The following TG variants were observed in gnomAD, a reference collection of about 807,000 sequenced individuals.
TG encodes the protein thyroglobulin, also known as thyroid hormones.
A neutral mutation model predicts 324.7 loss-of-function variants in TG; 270 were observed. The ratio of observed to expected loss-of-function variants is 0.83; its 90% CI spans 0.75 to 0.92. The LOEUF (loss-of-function observed/expected upper bound fraction) is 0.92. TG is among the 40% of genes least tolerant of loss of function. The pLI is 0.00. For missense variants in TG, 3,591 were observed against 3,456.4 expected, an observed-to-expected ratio of 1.04 and a Z score of -0.98; for synonymous variants, 1,401 against 1,327.0, an observed-to-expected ratio of 1.06 and a Z score of -1.21.
chr8:132,998,160 G>A (rs2130810587), intron 35 of TG, among the ~76,000 whole-genome samples: 1 of 152,266 alleles, frequency 6.6e-6, no homozygotes, highest in South Asian at 2.1e-4. Context: ...TCTGTATTAG[G>A]AGAAATCAAG....
At chr8:132,986,426 G>GTGTA (rs1564041675) in intron 35 of TG, among the ~76,000 whole-genome samples, 1 of 150,058 alleles carries the variant, frequency 6.7e-6, no homozygotes, top group African/African-American at 2.5e-5. Flanking sequence ...ATATATGTAT[G>GTGTA]TATCTCCAAA....
rs146474584 is a variant in TG at position 132,888,052 on chromosome 8, T to A, written c.2245T>A (p.Ser749Thr). Residue 749 changes from serine to threonine, a missense_variant, in exon 10 of 48, where the codon TCC becomes ACC. By Grantham distance (58) the Ser-to-Thr change is moderately conservative. Transcript: ENST00000220616. ...GACGGTGCAGGCCCTGCTCTCTAAC[T>A]CCAGCATGCTACCCACCCTTTCCGA... ...LRTVQALLSN[S>T]SMLPTLSDTY... 4.7e-5 allele frequency: 76 copies of A among 1,613,928 alleles called. 1 individual carries two copies. The African/African-American group carries it at 7.6e-4, about 16-fold the overall frequency.
intron 41 of TG, chr8:133,050,810 A>T (rs1840260269): frequency 6.4e-7 from 1 of 1,573,902 alleles, no homozygotes; most frequent in African/African-American, 1.3e-5. Flanking sequence ...TGGAGAGCTG[A>T]CTCACTCAGA....
chr8:132,941,076 C>T (rs1824375093), intron 25 of TG, among the ~76,000 whole-genome samples: 1 of 152,180 alleles, frequency 6.6e-6, no homozygotes, highest in Non-Finnish European at 1.5e-5. Context: ...AAATATATGG[C>T]CATTTTCTAC....
chr8:132,882,709 T>C, intron 7 of TG, 97 bp downstream of exon 7: 11 of 1,611,656 alleles, frequency 6.8e-6, no homozygotes, highest in Non-Finnish European at 9.3e-6. Context: ...TCCACCAAAG[T>C]GAGGGCAGAG....
intron 27 of TG, among the ~76,000 whole-genome samples, chr8:132,957,742 T>TACACACACACACAC (rs6150825): frequency 4.8e-5 from 2 of 41,548 alleles, no homozygotes; most frequent in African/African-American, 7.8e-5. Context: ...CATGGTAAAC[T>TACACACACACACAC]ACACACACAC....
rs116817719 is a variant in TG, at chr8:133,047,537, A to G, written c.7239+17514A>G. ...TCTATCTGCACAGCATGCTGCCTAC[A>G]CACTGCGTTCAGTTTTGTTCTCAGT... On this transcript the variant is annotated intron_variant, in intron 41 of 47. Coordinates refer to ENST00000220616, the MANE Select transcript of TG (RefSeq NM_003235.5). 329 of 436,764 alleles carry G rather than the reference A, an allele frequency of 7.5e-4. 3 individuals carry two copies. The highest frequency in any genetic ancestry group is 5.8e-3 in the African/African-American group (289 of 49,832). 27.1% of individuals were successfully genotyped at this position (436,764 alleles called of 1,614,324 possible).
At chr8:133,018,114 G>A (rs1835214183) in intron 38 of TG, 117 bp downstream of exon 38, 1 of 967,054 alleles carries the variant, frequency 1.0e-6, no homozygotes, top group African/African-American at 1.6e-5. Flanking sequence ...AATGTATGGA[G>A]GATGGAATAT....
intron 10 of TG, 101 bp from the exon 11 acceptor site, chr8:132,893,589 G>A: frequency 6.6e-7 from 1 of 1,514,638 alleles, no homozygotes; most frequent in Non-Finnish European, 9.1e-7. Context: ...TGGTGTGTGT[G>A]TGGTGTGTAT....
At chr8:132,965,813 G>C (rs182446398) in intron 29 of TG, among the ~76,000 whole-genome samples, 209 of 152,356 alleles carry the variant, frequency 1.4e-3, no homozygotes, top group African/African-American at 4.8e-3. Context: ...TGATGAGCTA[G>C]AGTTAGCAGG....
At chr8:133,098,466 A>G (rs1848766142) in intron 43 of TG, among the ~76,000 whole-genome samples, 1 of 152,216 alleles carries the variant, frequency 6.6e-6, no homozygotes, top group Non-Finnish European at 1.5e-5. Context: ...GGAGCTGGCC[A>G]TTGACCAGGG....
At chr8:132,937,522 C>T (rs2129801724) in intron 25 of TG, among the ~76,000 whole-genome samples, 1 of 144,472 alleles carries the variant, frequency 6.9e-6, no homozygotes, top group African/African-American at 2.9e-5. Flanking sequence ...AATCTAGTGA[C>T]TAGGGTCACT....
At chr8:132,893,191 A>AGTGTGTGTGGTGTGTATGTGT (rs1816530179) in intron 10 of TG, among the ~76,000 whole-genome samples, 1 of 40,762 alleles carries the variant, frequency 2.5e-5, no homozygotes, top group Admixed American at 2.4e-4. Flanking sequence ...TGTGTATGTG[A>AGTGTGTGTGGTGTGTATGTGT]GTGTGTGTGG....
chr8:133,069,637 C>A (rs1454150344), intron 41 of TG, among the ~76,000 whole-genome samples: 1 of 152,092 alleles, frequency 6.6e-6, no homozygotes, highest in East Asian at 1.9e-4. Context: ...GAGCAGCCAG[C>A]AGGTTTGTTT....
At chr8:132,905,634 T>C (rs1185605036) in intron 16 of TG, among the ~76,000 whole-genome samples, 3 of 152,180 alleles carry the variant, frequency 2.0e-5, no homozygotes, top group African/African-American at 7.2e-5. Flanking sequence ...CATTGAGCTG[T>C]GTCTGGGGCA....
intron 42 of TG, among the ~76,000 whole-genome samples, chr8:133,095,646 G>A (rs1023913487): frequency 5.3e-5 from 8 of 152,144 alleles, no homozygotes; most frequent in Non-Finnish European, 1.2e-4. Context: ...CCTTATATGG[G>A]ATAGCTGTGT....
chr8:132,900,654 G>T (rs188700245), intron 15 of TG, among the ~76,000 whole-genome samples: 3 of 152,218 alleles, frequency 2.0e-5, no homozygotes, highest in African/African-American at 7.2e-5. Context: ...TGGCCCTGCC[G>T]TCTGGTTTCC....
At chr8:133,010,227 T>C (rs1834386751) in intron 35 of TG, among the ~76,000 whole-genome samples, 1 of 152,180 alleles carries the variant, frequency 6.6e-6, no homozygotes. Flanking sequence ...ATATAACTTC[T>C]CTGAGTTTCT....
intron 5 of TG, among the ~76,000 whole-genome samples, chr8:132,876,973 AGAT>A (rs1813898172): frequency 6.6e-6 from 1 of 152,214 alleles, no homozygotes; most frequent in Non-Finnish European, 1.5e-5. Flanking sequence ...AAGAAGGATC[AGAT>A]GTGTCTTAAT....
Sources: allele counts gnomAD v4.1 joint callset (sites outside exome capture counted in the v4.1 genomes callset), GRCh38; gene constraint gnomAD v4.1.1; transcripts MANE v1.5; gene names NCBI Gene and HGNC (gene_info 2026-07-23, HGNC 2026-07-21).